The following FOSL2 variants were observed in gnomAD, a reference collection of about 807,000 sequenced individuals.
FOSL2 encodes the protein fos-related antigen 2.
A neutral mutation model predicts 27.7 loss-of-function variants in FOSL2; 3 were observed. That is an observed-to-expected ratio of 0.11 (90% CI 0.05 to 0.28). FOSL2 has a LOEUF of 0.28. Ranked by LOEUF, FOSL2 falls within the 10% of genes least tolerant of loss-of-function variation. The pLI is 1.00. For synonymous variants in FOSL2, 179 were observed against 190.1 expected (o/e 0.94, Z 0.48); for missense variants, 333 against 445.1 (o/e 0.75, Z 2.27).
Position 28,413,966 on chromosome 2 carries a change from G to C in FOSL2, c.*1518G>C, listed in dbSNP as rs892828197. The C allele has an allele frequency of 2.5e-6, 1 of 397,232 alleles. No homozygotes were observed. Among genetic ancestry groups the C allele is most frequent in the African/African-American group, 2.1e-5 (1 of 48,634 alleles). 24.6% of individuals were successfully genotyped at this position (397,232 alleles called of 1,614,324 possible). A position where few individuals can be genotyped will look rare whatever the true frequency, so the allele number is the denominator to read the frequency against. On this transcript the variant is annotated 3_prime_UTR_variant, in exon 4 of 4. Transcript: ENST00000264716. Reference sequence around the variant, plus strand: ...CCCCCTGGCCTCCAGCAGGAGCACAGCTCAGCAGGGTCCCTGCTGCCCACC... The same window carrying C: ...CCCCCTGGCCTCCAGCAGGAGCACACCTCAGCAGGGTCCCTGCTGCCCACC...
At chr2:28,407,004 G>A (rs1308504069) in intron 2 of FOSL2, among the ~76,000 whole-genome samples, 2 of 152,156 alleles carry the variant, frequency 1.3e-5, no homozygotes, top group Admixed American at 6.5e-5. Context: ...TGATCTCACC[G>A]CCCCTGAACA....
Position 28,393,629 on chromosome 2 carries a change from G to A in FOSL2, c.-92G>A. The A allele has an allele frequency of 1.1e-6, 1 of 946,032 alleles. No individual in the cohort carries two copies. The highest frequency in any genetic ancestry group is 1.5e-5 in the South Asian group (1 of 64,882). The allele number at this position is 946,032 out of a possible 1,614,324, so 58.6% of individuals were successfully genotyped here. On this transcript the variant is annotated 5_prime_UTR_variant, in exon 1 of 4. Coordinates refer to ENST00000264716, the MANE Select transcript of FOSL2 (RefSeq NM_005253.4). The surrounding 1 kb of genome is among the most constrained non-coding windows in gnomAD (Gnocchi z 4.6). ...GCCCAGAGCCCGCGGCGCGGCCGGCGGACGAACGAGCGCGCAGCAGCCGGT... is the reference window on the plus strand; with the variant it reads ...GCCCAGAGCCCGCGGCGCGGCCGGCAGACGAACGAGCGCGCAGCAGCCGGT...
At chr2:28,400,671 G>A (rs1401803063) in intron 1 of FOSL2, among the ~76,000 whole-genome samples, 1 of 152,208 alleles carries the variant, frequency 6.6e-6, no homozygotes, top group Non-Finnish European at 1.5e-5. Flanking sequence ...GCGTTTCAGA[G>A]GCAGTCATTA....
In FOSL2 at chr2:28,393,018, A is replaced by G. The variant is rs1572479721; in HGVS notation, c.-703A>G. 1.6e-6 allele frequency: 1 copy of G among 611,154 alleles called. No homozygotes were observed. The highest frequency in any genetic ancestry group is 3.0e-6 in the Non-Finnish European group (1 of 331,944). 37.9% of individuals were successfully genotyped at this position (611,154 alleles called of 1,614,324 possible). A position where few individuals can be genotyped will look rare whatever the true frequency, so the allele number is the denominator to read the frequency against. The stretch of plus-strand genomic sequence containing the variant: ...CCCGTCCGGGAGCGGGCTCCGGGGA[A>G]GGGGTGCGGGTCTGGGCGCCGGAGC... On this transcript the variant is annotated 5_prime_UTR_variant, in exon 1 of 4. Coordinates refer to ENST00000264716, the MANE Select transcript of FOSL2 (RefSeq NM_005253.4). This position sits in a 1 kb window ranked among gnomAD's most constrained non-coding sequence, Gnocchi z 4.6.
chr2:28,394,285 A>G (rs904408831), intron 1 of FOSL2, among the ~76,000 whole-genome samples: 25 of 152,196 alleles, frequency 1.6e-4, no homozygotes, highest in African/African-American at 5.5e-4. Context: ...TCCATCAGTC[A>G]TAACTCCTTT....
At chr2:28,400,821 T>A (rs1338002710) in intron 1 of FOSL2, among the ~76,000 whole-genome samples, 3 of 152,206 alleles carry the variant, frequency 2.0e-5, no homozygotes, top group Admixed American at 2.0e-4. Context: ...TCAGAGGGGC[T>A]AATAGGCATC....
chr2:28,396,803 C>CACACACACACACACACAA (rs1558564571), intron 1 of FOSL2: 11 of 147,368 alleles, frequency 7.5e-5, no homozygotes, highest in African/African-American at 2.8e-4. Context: ...CACACACACA[C>CACACACACACACACACAA]ACACACACAC....
At position 28,414,100 on chromosome 2, in the gene FOSL2, G is replaced by T. The variant is rs925717844; in HGVS notation, c.*1652G>T. 2.5e-5 allele frequency: 9 copies of T among 353,506 alleles called. No homozygotes were observed. The highest frequency in any genetic ancestry group is 3.5e-5 in the Non-Finnish European group (7 of 197,516). The allele number at this position is 353,506 out of a possible 1,614,324, so 21.9% of individuals were successfully genotyped here. A position where few individuals can be genotyped will look rare whatever the true frequency, so the allele number is the denominator to read the frequency against. ...CCTGGCCAGAACCAGCCTCTGCGGG[G>T]CTTGTGCTCTGCAAAGACTCTGCTG... On this transcript the variant is annotated 3_prime_UTR_variant, in exon 4 of 4. Transcript: ENST00000264716.
chr2:28,405,539 C>G (rs1664058544), intron 2 of FOSL2, among the ~76,000 whole-genome samples: 1 of 152,182 alleles, frequency 6.6e-6, no homozygotes, highest in Non-Finnish European at 1.5e-5. Flanking sequence ...ATATACGGAC[C>G]TTTCAAACAT....
chr2:28,411,472 A>G (rs559116181), intron 3 of FOSL2, among the ~76,000 whole-genome samples: 1 of 152,320 alleles, frequency 6.6e-6, no homozygotes, highest in South Asian at 2.1e-4. Context: ...CACCAAGGCC[A>G]TAGAACATAG....
intron 2 of FOSL2, among the ~76,000 whole-genome samples, chr2:28,405,997 C>A (rs1664068055): frequency 6.6e-6 from 1 of 151,128 alleles, no homozygotes; most frequent in African/African-American, 2.4e-5. Flanking sequence ...CTCTTTGGGG[C>A]TAGCAGGACC....
chr2:28,411,927 C>T lies in FOSL2; in HGVS notation c.463-3C>T. 6.2e-7 allele frequency: 1 copy of T among 1,614,108 alleles called. No homozygotes were observed. Among genetic ancestry groups the T allele is most frequent in the East Asian group, 2.2e-5 (1 of 44,878 alleles). On this transcript the variant is annotated splice_region_variant and splice_polypyrimidine_tract_variant and intron_variant, in intron 3 of 3. Transcript: ENST00000264716. ...CCCTCACATCCCTCTCTTTCCGTGG[C>T]AGGAGACAGAGGAGCTGGAGGAGGA... is the stretch of plus-strand genomic sequence containing the variant.
In FOSL2 at chr2:28,393,462, G is replaced by A; in HGVS notation, c.-259G>A. 2.2e-6 allele frequency: 1 copy of A among 446,454 alleles called. No individual in the cohort carries two copies. Among genetic ancestry groups the A allele is most frequent in the South Asian group, 2.8e-5 (1 of 35,178 alleles). 27.7% of individuals were successfully genotyped at this position (446,454 alleles called of 1,614,324 possible). On this transcript the variant is annotated 5_prime_UTR_variant, in exon 1 of 4. Transcript: ENST00000264716. This position sits in a 1 kb window ranked among gnomAD's most constrained non-coding sequence, Gnocchi z 4.6. Reference sequence around the variant, plus strand: ...GAGACGCGCCGACTTTTTAGAGGGAGGGATCGGGTGGACAACTGGTCCCGC... The same window carrying A: ...GAGACGCGCCGACTTTTTAGAGGGAAGGATCGGGTGGACAACTGGTCCCGC...
Position 28,415,613 on chromosome 2 carries a change from A to C in FOSL2, c.*3165A>C, listed in dbSNP as rs902558187. Reference sequence around the variant, plus strand: ...CTTGATGGACCAACAGTGCAAATGCAATCTCGCCATTTAACTTTCAGGTCG... The same window carrying C: ...CTTGATGGACCAACAGTGCAAATGCCATCTCGCCATTTAACTTTCAGGTCG... On this transcript the variant is annotated 3_prime_UTR_variant, in exon 4 of 4. Transcript: ENST00000264716. 6.6e-6 allele frequency: 1 copy of C among 152,162 alleles called. No homozygotes were observed. The highest frequency in any genetic ancestry group is 2.1e-4 in the South Asian group (1 of 4,820). 9.4% of individuals were successfully genotyped at this position (152,162 alleles called of 1,614,324 possible). A position where few individuals can be genotyped will look rare whatever the true frequency, so the allele number is the denominator to read the frequency against.
In FOSL2 at chr2:28,393,664, C is replaced by G; in HGVS notation, c.-57C>G. 7.5e-7 allele frequency: 1 copy of G among 1,337,606 alleles called. No homozygotes were observed. The highest frequency in any genetic ancestry group is 1.0e-6 in the Non-Finnish European group (1 of 961,850). 82.9% of individuals were successfully genotyped at this position (1,337,606 alleles called of 1,614,324 possible). A position where few individuals can be genotyped will look rare whatever the true frequency, so the allele number is the denominator to read the frequency against. ...GCGCGCAGCAGCCGGTGCGCGGCCG[C>G]GGCGAGGGCGGGGGAAGAAAAACAC... On this transcript the variant is annotated 5_prime_UTR_variant, in exon 1 of 4. Transcript: ENST00000264716. This position sits in a 1 kb window ranked among gnomAD's most constrained non-coding sequence, Gnocchi z 4.6.
chr2:28,412,628 A>G lies in FOSL2; in HGVS notation c.*180A>G. ...AGTGAGTATTGGAAGACTTGGGTTG[A>G]TCTCTTAGAAGCCATGGGACCTCCT... is the stretch of plus-strand genomic sequence containing the variant. On this transcript the variant is annotated 3_prime_UTR_variant, in exon 4 of 4. Coordinates refer to ENST00000264716, the MANE Select transcript of FOSL2 (RefSeq NM_005253.4). This position sits in a 1 kb window ranked among gnomAD's most constrained non-coding sequence, Gnocchi z 7.1. 1.6e-6 allele frequency: 1 copy of G among 619,750 alleles called. No individual in the cohort carries two copies. Among genetic ancestry groups the G allele is most frequent in the Admixed American group, 3.0e-5 (1 of 33,656 alleles). The allele number at this position is 619,750 out of a possible 1,614,324, so 38.4% of individuals were successfully genotyped here. A position where few individuals can be genotyped will look rare whatever the true frequency, so the allele number is the denominator to read the frequency against.
Position 28,393,869 on chromosome 2 carries a change from C to T in FOSL2, c.102+47C>T, listed in dbSNP as rs1303948435. 1 of 1,251,964 alleles carries T rather than the reference C, an allele frequency of 8.0e-7. No homozygotes were observed. Among genetic ancestry groups the T allele is most frequent in the Non-Finnish European group, 1.1e-6 (1 of 891,882 alleles). 77.6% of individuals were successfully genotyped at this position (1,251,964 alleles called of 1,614,324 possible). On this transcript the variant is annotated intron_variant, in intron 1 of 3. Coordinates refer to ENST00000264716, the MANE Select transcript of FOSL2 (RefSeq NM_005253.4). The surrounding 1 kb of genome is among the most constrained non-coding windows in gnomAD (Gnocchi z 4.6). ...CCTGGCGGCGCGGGCGGACCCCTGC[C>T]CTCTTCTCGCCGCCACTGCCTCTTT... is the stretch of plus-strand genomic sequence containing the variant.
At chr2:28,394,027 G>A (rs1329937844) in intron 1 of FOSL2, among the ~76,000 whole-genome samples, 1 of 144,482 alleles carries the variant, frequency 6.9e-6, no homozygotes, top group Non-Finnish European at 1.5e-5. Context: ...GAGACAACAT[G>A]CCCTTTTCCT....
At position 28,392,888 on chromosome 2, in the gene FOSL2, G is replaced by T; in HGVS notation, c.-833G>T. The stretch of plus-strand genomic sequence containing the variant: ...GACTCATCTCGGGCAGAGCGCTAGG[G>T]CTCCGAGCGAACCAGCGAGCGAGCG... On this transcript the variant is annotated 5_prime_UTR_variant, in exon 1 of 4. Transcript: ENST00000264716. 1 of 714,980 alleles carries T rather than the reference G, an allele frequency of 1.4e-6. No individual in the cohort carries two copies. The allele number at this position is 714,980 out of a possible 1,614,324, so 44.3% of individuals were successfully genotyped here.
Sources: allele counts gnomAD v4.1 joint callset (sites outside exome capture counted in the v4.1 genomes callset), GRCh38; gene constraint gnomAD v4.1.1; non-coding constraint Gnocchi (gnomAD v3.1); transcripts MANE v1.5; gene names NCBI Gene and HGNC (gene_info 2026-07-23, HGNC 2026-07-21).